Variants in PHF14 observed in about 807,000 individuals in gnomAD.
PHF14 encodes the protein PHD finger protein 14.
PHF14 carries 55 observed loss-of-function variants against 117.9 expected under a neutral mutation model. That is an observed-to-expected ratio of 0.47 (90% CI 0.38 to 0.58). The LOEUF (loss-of-function observed/expected upper bound fraction) is 0.58. Among genes scored for constraint, PHF14 ranks in the 20% least tolerant of loss-of-function variants. The pLI is 0.00. For synonymous variants in PHF14, 409 were observed against 368.6 expected (o/e 1.11, Z -1.26); for missense variants, 978 against 1,122.2 (o/e 0.87, Z 1.84).
chr7:11,039,558 G>C (rs928336717), intron 11 of PHF14, among the ~76,000 whole-genome samples: 1 of 152,062 alleles, frequency 6.6e-6, no homozygotes. Context: ...AAGGATGATG[G>C]AGACCCACTG....
chr7:11,042,189 A>G (rs965770223), intron 12 of PHF14, among the ~76,000 whole-genome samples: 1 of 151,980 alleles, frequency 6.6e-6, no homozygotes. Context: ...AGACTCATGT[A>G]TACTTGCAGT....
At chr7:11,128,332 G>T (rs1787988391) in intron 17 of PHF14, among the ~76,000 whole-genome samples, 1 of 151,750 alleles carries the variant, frequency 6.6e-6, no homozygotes. Flanking sequence ...GAGGAAAGGG[G>T]GGTGATATTT....
intron 2 of PHF14, among the ~76,000 whole-genome samples, chr7:10,976,127 CTGTT>C (rs1781854868): frequency 6.6e-6 from 1 of 152,188 alleles, no homozygotes. Context: ...AGAATTTAGT[CTGTT>C]TATCTGCTTG....
At chr7:11,128,543 T>G (rs1298027143) in intron 17 of PHF14, among the ~76,000 whole-genome samples, 2 of 151,924 alleles carry the variant, frequency 1.3e-5, no homozygotes, top group African/African-American at 4.8e-5. Flanking sequence ...AGATCACTTT[T>G]CAAATTTCCA....
chr7:11,013,858 A>G lies in PHF14; in HGVS notation c.1157A>G (p.Glu386Gly). ...ACKCGVSPSCELCPNQDGIFK... is the reference protein window; with the variant it reads ...ACKCGVSPSCGLCPNQDGIFK... The stretch of plus-strand genomic sequence containing the variant: ...AAATGTGGTGTTTCTCCTAGCTGTG[A>G]ACTGTGTCCTAATCAGGATGGAATT... The change falls in exon 5 of 18, where the codon GAA becomes GGA. Residue 386 changes from glutamate (E) to glycine (G), a missense_variant. Glu to Gly is a moderately conservative substitution (Grantham distance 98). Around this residue, in one of 7 missense-constraint regions of PHF14, gnomAD observed 86 missense variants for 137.8 expected, o/e 0.62. Coordinates refer to ENST00000634607, the MANE Select transcript of PHF14 (RefSeq NM_001007157.2). 6.2e-7 allele frequency: 1 copy of G among 1,610,772 alleles called. No individual in the cohort carries two copies. Among genetic ancestry groups the G allele is most frequent in the Non-Finnish European group, 8.5e-7 (1 of 1,177,506 alleles).
chr7:11,024,825 C>T (rs1275518005), intron 6 of PHF14, among the ~76,000 whole-genome samples: 2 of 152,212 alleles, frequency 1.3e-5, no homozygotes, highest in East Asian at 3.9e-4. Flanking sequence ...TTCCTGCCTG[C>T]TGTCACAACA....
rs1240027150 is a variant in PHF14, at chr7:11,156,516, C to T, written c.2773-12900C>T. ...AAGTTTTAGAAATTCACTTTCTGGCCGGGCGTGGTGGCTCATGCCTGTAAT... is the reference window on the plus strand; with the variant it reads ...AAGTTTTAGAAATTCACTTTCTGGCTGGGCGTGGTGGCTCATGCCTGTAAT... On this transcript the variant is annotated intron_variant, in intron 17 of 17. Coordinates refer to ENST00000634607, the MANE Select transcript of PHF14 (RefSeq NM_001007157.2). 7.2e-5 allele frequency among the ~76,000 whole-genome samples: 11 copies of T among 152,128 alleles called. 1 individual carries two copies. Among genetic ancestry groups the T allele is most frequent in the South Asian group, 4.2e-4 (2 of 4,812 alleles).
intron 16 of PHF14, among the ~76,000 whole-genome samples, chr7:11,083,580 C>A (rs1320007924): frequency 6.6e-6 from 1 of 151,088 alleles, no homozygotes; most frequent in Admixed American, 6.6e-5. Flanking sequence ...CCTGCCTCAG[C>A]CTCCCGAGTA....
intron 17 of PHF14, among the ~76,000 whole-genome samples, chr7:11,155,852 C>T (rs1014208925): frequency 2.6e-5 from 4 of 151,620 alleles, no homozygotes; most frequent in Non-Finnish European, 5.9e-5. Context: ...GAATAGATGG[C>T]TTATATAGCT....
At chr7:11,080,904 G>C (rs1038542511) in intron 16 of PHF14, among the ~76,000 whole-genome samples, 11 of 152,144 alleles carry the variant, frequency 7.2e-5, no homozygotes, top group African/African-American at 2.7e-4. Context: ...CAGTAATGAA[G>C]ATAATGTCTA....
intron 17 of PHF14, among the ~76,000 whole-genome samples, chr7:11,155,444 T>G (rs987287796): frequency 1.3e-5 from 2 of 152,168 alleles, no homozygotes; most frequent in Non-Finnish European, 2.9e-5. Flanking sequence ...TGTGTTATTT[T>G]CCACTACTTT....
At chr7:11,033,806 A>T (rs1784213400) in intron 7 of PHF14, among the ~76,000 whole-genome samples, 2 of 152,188 alleles carry the variant, frequency 1.3e-5, no homozygotes, top group Non-Finnish European at 2.9e-5. Context: ...GGTTCGGTAT[A>T]ATCTTTATTT....
intron 13 of PHF14, among the ~76,000 whole-genome samples, chr7:11,049,296 G>A (rs1331867613): frequency 2.0e-5 from 3 of 151,914 alleles, no homozygotes; most frequent in Non-Finnish European, 4.4e-5. Flanking sequence ...AACATATAGT[G>A]AAACCCTGTC....
At chr7:11,120,225 T>G (rs1787712141) in intron 17 of PHF14, among the ~76,000 whole-genome samples, 1 of 151,942 alleles carries the variant, frequency 6.6e-6, no homozygotes, top group Non-Finnish European at 1.5e-5. Flanking sequence ...CTTAACTATT[T>G]ATAGTTACTT....
rs552211942 is a variant in PHF14 at position 11,162,504 on chromosome 7, A to G, written c.2773-6912A>G. ...GCCCATTAAGAGTCTACCCTAACTCATACTTATCATCCATCATTCATTTCC... is the reference window on the plus strand; with the variant it reads ...GCCCATTAAGAGTCTACCCTAACTCGTACTTATCATCCATCATTCATTTCC... On this transcript the variant is annotated intron_variant, in intron 17 of 17. Coordinates refer to ENST00000634607, the MANE Select transcript of PHF14 (RefSeq NM_001007157.2). Among the ~76,000 whole-genome samples the G allele has an allele frequency of 3.3e-5, 5 of 152,234 alleles. No homozygotes were observed. The East Asian group carries it at 9.7e-4, about 29-fold the overall frequency.
In PHF14 at chr7:11,075,643, C is replaced by T. The variant is rs1045993748; in HGVS notation, c.2654+13558C>T. Among the ~76,000 whole-genome samples, 8 of 150,164 alleles carry T rather than the reference C, an allele frequency of 5.3e-5. 1 individual carries two copies. The highest frequency in any genetic ancestry group is 1.7e-4 in the African/African-American group (7 of 40,798). ...TTCCCATGACCCAAACACCTCCCAC[C>T]AGGCGCACCTCCAACACTGGAAGTC... is the stretch of plus-strand genomic sequence containing the variant. On this transcript the variant is annotated intron_variant, in intron 16 of 17. Coordinates refer to ENST00000634607, the MANE Select transcript of PHF14 (RefSeq NM_001007157.2).
At chr7:11,004,106 G>C (rs1263946810) in intron 4 of PHF14, among the ~76,000 whole-genome samples, 2 of 151,922 alleles carry the variant, frequency 1.3e-5, no homozygotes, top group African/African-American at 4.8e-5. Context: ...AAATCAGCCA[G>C]GTGTGGTGGC....
intron 16 of PHF14, among the ~76,000 whole-genome samples, chr7:11,084,469 C>G (rs1277248983): frequency 6.7e-6 from 1 of 150,236 alleles, no homozygotes; most frequent in African/African-American, 2.4e-5. Flanking sequence ...CATTCCCATT[C>G]TAGCTATTAT....
chr7:11,092,976 C>T (rs1786700963), intron 16 of PHF14, among the ~76,000 whole-genome samples: 1 of 152,160 alleles, frequency 6.6e-6, no homozygotes, highest in Admixed American at 6.5e-5. Flanking sequence ...TGAAATAGCA[C>T]TTTGTCTGTT....
Sources: gnomAD v4.1 joint callset for allele counts (sites outside exome capture counted in the v4.1 genomes callset) on GRCh38, gnomAD v4.1.1 for gene constraint, gnomAD v4.1.1 regional missense constraint, MANE v1.5 for transcripts, NCBI Gene and HGNC (gene_info 2026-07-23, HGNC 2026-07-21) for gene names.